The following LRBA variants were observed in gnomAD, a reference collection of about 807,000 sequenced individuals.
LRBA encodes lipopolysaccharide-responsive and beige-like anchor protein.
Under a neutral mutation model 330.0 loss-of-function variants are expected in LRBA, and 176 were observed. The ratio of observed to expected loss-of-function variants is 0.53; its 90% CI spans 0.47 to 0.60. The LOEUF is 0.60. Ranked by LOEUF, LRBA falls within the 20% of genes least tolerant of loss-of-function variation. LRBA has a pLI of 0.00. For synonymous variants in LRBA, 1,230 were observed against 1,193.0 expected, an observed-to-expected ratio of 1.03 and a Z score of -0.64; for missense variants, 3,259 against 3,444.8, an observed-to-expected ratio of 0.95 and a Z score of 1.35.
intron 48 of LRBA, among the ~76,000 whole-genome samples, chr4:150,343,062 G>A (rs1219284906): frequency 6.6e-6 from 1 of 151,542 alleles, no homozygotes; most frequent in African/African-American, 2.4e-5. Flanking sequence ...GTGGGGGTGG[G>A]GAGTAAATTA....
intron 2 of LRBA, among the ~76,000 whole-genome samples, chr4:150,987,088 C>CA (rs1446675556): frequency 6.6e-6 from 1 of 152,182 alleles, no homozygotes; most frequent in Non-Finnish European, 1.5e-5. Flanking sequence ...GTTTTCATGT[C>CA]TTCAGATTTA....
chr4:150,470,434 CCT>C (rs1337819079), intron 43 of LRBA, among the ~76,000 whole-genome samples: 10 of 151,978 alleles, frequency 6.6e-5, no homozygotes, highest in Admixed American at 6.6e-4. Context: ...AGAGAATTTC[CCT>C]GTCTTATCTC....
chr4:150,524,304 T>C (rs573433995), intron 40 of LRBA, among the ~76,000 whole-genome samples: 18 of 152,172 alleles, frequency 1.2e-4, no homozygotes, highest in Non-Finnish European at 2.2e-4. Context: ...GGCAAATGAT[T>C]GTACTCCATA....
At chr4:150,760,767 C>G (rs565617732) in intron 35 of LRBA, among the ~76,000 whole-genome samples, 1 of 152,178 alleles carries the variant, frequency 6.6e-6, no homozygotes, top group South Asian at 2.1e-4. Flanking sequence ...TTTTAAGCAC[C>G]CTGTACTTAC....
At chr4:150,491,531 T>G (rs1403047239) in intron 40 of LRBA, among the ~76,000 whole-genome samples, 1 of 152,092 alleles carries the variant, frequency 6.6e-6, no homozygotes, top group African/African-American at 2.4e-5. Context: ...ACTTTTAAGG[T>G]CACTGTTAAG....
At chr4:150,917,708 T>C (rs888944768) in intron 5 of LRBA, among the ~76,000 whole-genome samples, 2 of 152,002 alleles carry the variant, frequency 1.3e-5, no homozygotes, top group Admixed American at 6.6e-5. Flanking sequence ...AGGCAGATCA[T>C]CTGCGGTCAG....
At chr4:150,667,667 G>A (rs1217915040) in intron 37 of LRBA, among the ~76,000 whole-genome samples, 1 of 152,112 alleles carries the variant, frequency 6.6e-6, no homozygotes, top group Non-Finnish European at 1.5e-5. Context: ...TAGAATTAGT[G>A]CCCTTAGAAA....
intron 42 of LRBA, among the ~76,000 whole-genome samples, chr4:150,477,480 C>A (rs903991517): frequency 2.6e-5 from 4 of 152,070 alleles, no homozygotes; most frequent in African/African-American, 9.7e-5. Context: ...AAAAATTAAA[C>A]CATCAGATCT....
At chr4:150,828,897 GAA>G (rs1276550266) in intron 29 of LRBA, among the ~76,000 whole-genome samples, 1 of 150,796 alleles carries the variant, frequency 6.6e-6, no homozygotes, top group Non-Finnish European at 1.5e-5. Context: ...TGGCCTGTAA[GAA>G]AAAGTCTATA....
At chr4:150,886,473 C>A (rs993975861) in intron 17 of LRBA, among the ~76,000 whole-genome samples, 1 of 152,196 alleles carries the variant, frequency 6.6e-6, no homozygotes, top group Non-Finnish European at 1.5e-5. Context: ...TCAGAATAGA[C>A]ACCTTTCTAA....
At chr4:150,305,719 T>C (rs946351914) in intron 52 of LRBA, among the ~76,000 whole-genome samples, 32 of 152,222 alleles carry the variant, frequency 2.1e-4, no homozygotes, top group African/African-American at 7.7e-4. Context: ...AAGGGTTTTA[T>C]ATGTTAACAC....
Position 150,428,129 on chromosome 4 carries a change from T to G in LRBA, c.7041+7460A>C, listed in dbSNP as rs60647753. Among the ~76,000 whole-genome samples the G allele has an allele frequency of 7.6e-4, 115 of 152,224 alleles. No individual in the cohort carries two copies. In the East Asian group the frequency reaches 0.021, roughly 27 times the overall value. ...AAATATTAAATTATATATGAGTTCA[T>G]ATAATATTACTGCATAGTCATTTAT... On this transcript the variant is annotated intron_variant, in intron 46 of 56. Coordinates refer to ENST00000651943, the MANE Select transcript of LRBA (RefSeq NM_001364905.1).
chr4:150,594,437 C>A (rs938002111), intron 38 of LRBA, among the ~76,000 whole-genome samples: 1 of 151,954 alleles, frequency 6.6e-6, no homozygotes, highest in Non-Finnish European at 1.5e-5. Context: ...CCATTATAAA[C>A]AAGTATTTTG....
chr4:150,721,321 T>TG (rs1224716513), intron 36 of LRBA: 1 of 320,088 alleles, frequency 3.1e-6, no homozygotes, highest in African/African-American at 2.2e-5. Flanking sequence ...GTACTTTGTA[T>TG]TGATCAAAGA....
At chr4:150,665,901 C>T (rs1781514818) in intron 37 of LRBA, among the ~76,000 whole-genome samples, 1 of 152,172 alleles carries the variant, frequency 6.6e-6, no homozygotes, top group African/African-American at 2.4e-5. Context: ...TGCCAAACTT[C>T]CCTCATCAAA....
At chr4:150,647,256 G>GA (rs971785688) in intron 37 of LRBA, among the ~76,000 whole-genome samples, 75 of 138,118 alleles carry the variant, frequency 5.4e-4, no homozygotes, top group African/African-American at 1.8e-3. Flanking sequence ...ACTATAGCCT[G>GA]AAAAAAAAAT....
chr4:150,274,678 T>C (rs62344509), intron 56 of LRBA, among the ~76,000 whole-genome samples: 22,644 of 152,148 alleles, frequency 0.15, 2,063 homozygotes, highest in Non-Finnish European at 0.21. Flanking sequence ...TCTACGCAAA[T>C]AAACTAGAAA....
chr4:150,826,560 C>G (rs1236678302), intron 30 of LRBA, among the ~76,000 whole-genome samples: 3 of 152,126 alleles, frequency 2.0e-5, no homozygotes, highest in Non-Finnish European at 4.4e-5. Flanking sequence ...AATCCTTTTT[C>G]TGGATTGGTT....
intron 36 of LRBA, among the ~76,000 whole-genome samples, chr4:150,726,487 A>T (rs1379269341): frequency 1.3e-5 from 2 of 152,214 alleles, no homozygotes; most frequent in East Asian, 3.8e-4. Flanking sequence ...CCGTTTTCAC[A>T]CTGCTATAAA....
Sources: allele counts gnomAD v4.1 joint callset (sites outside exome capture counted in the v4.1 genomes callset), GRCh38; gene constraint gnomAD v4.1.1; transcripts MANE v1.5; gene names NCBI Gene and HGNC (gene_info 2026-07-23, HGNC 2026-07-21).